The following MRE11 variants were observed in gnomAD, a reference collection of about 807,000 sequenced individuals.
MRE11 encodes the protein MRE11 double strand break repair nuclease.
Under a neutral mutation model 91.7 loss-of-function variants are expected in MRE11, and 62 were observed. The observed-to-expected ratio is 0.68, with a 90% CI of 0.55 to 0.84. The LOEUF (loss-of-function observed/expected upper bound fraction) is 0.84. Ranked by LOEUF, MRE11 falls within the 40% of genes least tolerant of loss-of-function variation. MRE11 has a pLI of 0.00. For synonymous variants in MRE11, 273 were observed against 271.4 expected, an observed-to-expected ratio of 1.01 and a Z score of -0.06; for missense variants, 796 against 852.9, an observed-to-expected ratio of 0.93 and a Z score of 0.83.
chr11:94,509,294 A>G, the MRE11 span, among the ~76,000 whole-genome samples: 76 of 152,132 alleles, frequency 5.0e-4, no homozygotes, highest in Admixed American at 3.5e-3. Flanking sequence ...TTGGCTCTCA[A>G]TGCTGTTATA....
chr11:94,477,362 G>T (rs1298625417), intron 6 of MRE11, among the ~76,000 whole-genome samples: 1 of 152,090 alleles, frequency 6.6e-6, no homozygotes, highest in Admixed American at 6.5e-5. Flanking sequence ...GGTTCACCTT[G>T]ATCTAGTGAA....
chr11:94,452,051 C>T (rs986317298), intron 14 of MRE11, among the ~76,000 whole-genome samples: 4 of 151,836 alleles, frequency 2.6e-5, no homozygotes, highest in African/African-American at 9.7e-5. Context: ...ACTAAAAATA[C>T]AAAAATTAGC....
chr11:94,441,959 CAGAG>C (rs1003022019), intron 16 of MRE11, among the ~76,000 whole-genome samples: 2 of 114,074 alleles, frequency 1.8e-5, no homozygotes, highest in East Asian at 2.6e-4. Flanking sequence ...GCCTAGGCGA[CAGAG>C]AGAGACTCTG....
intron 12 of MRE11, 95 bp from the exon 13 acceptor site, chr11:94,459,676 G>GA (rs1312733327): frequency 5.7e-5 from 77 of 1,344,776 alleles, no homozygotes; most frequent in Non-Finnish European, 7.5e-5. Context: ...TGTTACCAGA[G>GA]AAAAAATATA....
At chr11:94,451,202 G>A (rs1946094944) in intron 14 of MRE11, among the ~76,000 whole-genome samples, 1 of 151,672 alleles carries the variant, frequency 6.6e-6, no homozygotes, top group African/African-American at 2.4e-5. Context: ...AAAGAAGGAA[G>A]AATGGGAGGG....
intron 19 of MRE11, among the ~76,000 whole-genome samples, chr11:94,422,875 G>A (rs944440607): frequency 2.0e-5 from 3 of 151,948 alleles, no homozygotes; most frequent in Admixed American, 6.6e-5. Flanking sequence ...CACCATGTCC[G>A]GCTAATTTTG....
chr11:94,424,829 A>C (rs1180534978), intron 19 of MRE11, among the ~76,000 whole-genome samples: 1 of 152,170 alleles, frequency 6.6e-6, no homozygotes, highest in Admixed American at 6.5e-5. Context: ...GGAAAAAAAA[A>C]ACCTCTGAGA....
chr11:94,453,990 T>A (rs547787397), intron 14 of MRE11, among the ~76,000 whole-genome samples: 1 of 151,918 alleles, frequency 6.6e-6, no homozygotes, highest in African/African-American at 2.4e-5. Context: ...CCGCAAAGCC[T>A]AATGGTTACT....
rs1330929173 is a variant in MRE11 at position 94,420,143 on chromosome 11, T to G, written c.2109A>C (p.Leu703Phe). Residue 703 changes from leucine to phenylalanine, a missense_variant, in exon 20 of 20, where the codon TTA becomes TTC. Transcript: ENST00000323929. ...DDDPFMNTSS[L>F]RRNRR ...AAATATATTATCTTCTATTTCTTCT[T>G]AAAGAACTAGTGTTCATAAAAGGAT... The G allele has an allele frequency of 1.3e-6, 2 of 1,579,028 alleles. No homozygotes were observed. Among genetic ancestry groups the G allele is most frequent in the Non-Finnish European group, 8.7e-7 (1 of 1,153,350 alleles).
chr11:94,475,669 T>C (rs13447626), intron 7 of MRE11: 5,523 of 455,650 alleles, frequency 0.012, 53 homozygotes, highest in Non-Finnish European at 0.018. Context: ...AAAGGTAATC[T>C]AGCTATATTT....
At chr11:94,497,303 A>G (rs1219552478), upstream of MRE11, 3 of 427,346 alleles carry the variant, frequency 7.0e-6, no homozygotes, top group Non-Finnish European at 1.2e-5. Context: ...ATGTATCCCT[A>G]TAAGTAATAT....
chr11:94,449,769 C>T (rs184937275), intron 14 of MRE11, among the ~76,000 whole-genome samples: 3 of 152,312 alleles, frequency 2.0e-5, no homozygotes, highest in Admixed American at 2.0e-4. Flanking sequence ...CAAACCTGTA[C>T]AACATGTTAC....
In MRE11 at chr11:94,447,375, C is replaced by T. The variant is rs1591655304; in HGVS notation, c.1627G>A (p.Asp543Asn). The change falls in exon 15 of 20, where the codon GAT becomes AAT. Residue 543 changes from aspartate to asparagine, a missense_variant. By Grantham distance (23) the Asp-to-Asn change is conservative. Coordinates refer to ENST00000323929, the MANE Select transcript of MRE11 (RefSeq NM_005591.4). ...SEESASAFSADDLMSIDLAEQ... is the reference protein window; with the variant it reads ...SEESASAFSANDLMSIDLAEQ... ...GCTAAATCTATACTCATAAGGTCATCAGCACTAAAGGCAGAAGCAGACTCC... is the reference window on the plus strand; with the variant it reads ...GCTAAATCTATACTCATAAGGTCATTAGCACTAAAGGCAGAAGCAGACTCC... The T allele has an allele frequency of 6.2e-7, 1 of 1,614,120 alleles. No individual in the cohort carries two copies. The highest frequency in any genetic ancestry group is 8.5e-7 in the Non-Finnish European group (1 of 1,180,000).
rs149248550 is a variant in MRE11, at chr11:94,466,264, A to G, written c.1098+1549T>C. On this transcript the variant is annotated intron_variant, in intron 10 of 19. Transcript: ENST00000323929. ...GTTAGTGCTGGGGAATAATTAAGTT[A>G]TTTTTAGCAGAAAAGACATGCAAAA... is the stretch of plus-strand genomic sequence containing the variant. 5.2e-3 allele frequency among the ~76,000 whole-genome samples: 796 copies of G among 152,276 alleles called. 23 individuals are homozygous for G. Among genetic ancestry groups the G allele is most frequent in the East Asian group, 9.1e-3 (47 of 5,178 alleles).
intron 19 of MRE11, among the ~76,000 whole-genome samples, chr11:94,427,571 G>C (rs138662745): frequency 1.3e-5 from 2 of 152,166 alleles, no homozygotes; most frequent in East Asian, 1.9e-4. Flanking sequence ...AGAAAGAAAA[G>C]ACATCCAAAC....
chr11:94,422,125 A>G (rs1412093306), intron 19 of MRE11, among the ~76,000 whole-genome samples: 1 of 152,254 alleles, frequency 6.6e-6, no homozygotes, highest in African/African-American at 2.4e-5. Context: ...AAGCAAATCA[A>G]CAAAAACTAG....
rs748933763 is a variant in MRE11, at chr11:94,445,824, A to G, written c.1853T>C (p.Met618Thr). The G allele has an allele frequency of 1.2e-6, 2 of 1,610,548 alleles. No individual in the cohort carries two copies. Among genetic ancestry groups the G allele is most frequent in the Non-Finnish European group, 1.7e-6 (2 of 1,176,682 alleles). The change falls in exon 16 of 20, where the codon ATG becomes ACG. Residue 618 changes from methionine (M) to threonine (T), a missense_variant. Coordinates refer to ENST00000323929, the MANE Select transcript of MRE11 (RefSeq NM_005591.4). ...TCTATACTCACCATCTATAATAGAC[A>G]TATTTCTAGATGCTGACACAGCAGT... ...SKTAVSASRN[M>T]SIIDAFKSTR... is the part of the protein sequence containing the mutation.
At position 94,445,896 on chromosome 11, in the gene MRE11, G is replaced by A. The variant is rs1246825184; in HGVS notation, c.1784-3C>T. 1 of 1,611,282 alleles carries A rather than the reference G, an allele frequency of 6.2e-7. No individual in the cohort carries two copies. The highest frequency in any genetic ancestry group is 1.3e-5 in the African/African-American group (1 of 74,896). On this transcript the variant is annotated splice_region_variant and splice_polypyrimidine_tract_variant and intron_variant, in intron 15 of 19. Transcript: ENST00000323929. ...AGAAGTCTCCAGACCAGTGTCTGCT[G>A]TTAGAAAAATGAACAGTCAATGTAC...
intron 4 of MRE11, 24 bp downstream of exon 4, chr11:94,485,900 A>G (rs1947128477): frequency 1.9e-6 from 3 of 1,605,090 alleles, no homozygotes; most frequent in Non-Finnish European, 2.6e-6. Context: ...GTAATCACTC[A>G]CTCAAGTAAA....
Sources: gnomAD v4.1 joint callset for allele counts (sites outside exome capture counted in the v4.1 genomes callset) on GRCh38, gnomAD v4.1.1 for gene constraint, MANE v1.5 for transcripts, NCBI Gene and HGNC (gene_info 2026-07-23, HGNC 2026-07-21) for gene names.